Variants in TRAPPC9 observed in about 807,000 individuals in gnomAD.
The protein encoded by TRAPPC9 is trafficking protein particle complex subunit 9.
In TRAPPC9, 83 loss-of-function variants were observed where a neutral mutation model predicts 124.0. The ratio of observed to expected loss-of-function variants is 0.67; its 90% confidence interval spans 0.56 to 0.80. TRAPPC9 has a LOEUF of 0.80. TRAPPC9 is among the 30% of genes least tolerant of loss of function. TRAPPC9 has a pLI of 0.00. For synonymous variants in TRAPPC9, 638 were observed against 617.5 expected (o/e 1.03, Z -0.49); for missense variants, 1,302 against 1,508.3 (o/e 0.86, Z 2.27).
intron 21 of TRAPPC9, among the ~76,000 whole-genome samples, chr8:139,797,875 GCAC>G (rs977259423): frequency 6.6e-6 from 1 of 152,190 alleles, no homozygotes; most frequent in Non-Finnish European, 1.5e-5. Context: ...CCTTATGCCA[GCAC>G]CACATTGTCT....
chr8:140,080,153 T>C (rs183553176), intron 17 of TRAPPC9, among the ~76,000 whole-genome samples: 14 of 152,294 alleles, frequency 9.2e-5, no homozygotes, highest in East Asian at 3.9e-4. Flanking sequence ...TACAAGGTCA[T>C]AGAAGGCACA....
At chr8:139,840,641 C>T (rs1416364368) in intron 21 of TRAPPC9, among the ~76,000 whole-genome samples, 1 of 152,146 alleles carries the variant, frequency 6.6e-6, no homozygotes, top group Non-Finnish European at 1.5e-5. Context: ...ACTGGACAGT[C>T]GGGCCAGGAG....
At chr8:140,119,159 A>G (rs2060942063) in intron 17 of TRAPPC9, among the ~76,000 whole-genome samples, 1 of 152,224 alleles carries the variant, frequency 6.6e-6, no homozygotes. Flanking sequence ...CAGCAGGAGA[A>G]GAGGACAAAA....
chr8:139,928,643 G>A (rs1267971941), intron 19 of TRAPPC9, among the ~76,000 whole-genome samples: 2 of 151,728 alleles, frequency 1.3e-5, no homozygotes, highest in Non-Finnish European at 2.9e-5. Flanking sequence ...TACTGGGTGA[G>A]TGCGTGGCTG....
intron 17 of TRAPPC9, among the ~76,000 whole-genome samples, chr8:140,187,246 G>C (rs750610803): frequency 1.3e-5 from 2 of 152,150 alleles, no homozygotes; most frequent in Non-Finnish European, 2.9e-5. Context: ...ATATACACAG[G>C]TTCTGCAAGG....
intron 19 of TRAPPC9, among the ~76,000 whole-genome samples, chr8:139,955,317 C>G (rs1834900707): frequency 6.6e-6 from 1 of 152,062 alleles, no homozygotes; most frequent in South Asian, 2.1e-4. Flanking sequence ...AGTTCAGGAG[C>G]CTGATCATCT....
At chr8:140,347,150 C>T (rs1012762344) in intron 9 of TRAPPC9, among the ~76,000 whole-genome samples, 1 of 152,202 alleles carries the variant, frequency 6.6e-6, no homozygotes, top group African/African-American at 2.4e-5. Flanking sequence ...ACCATTAGAG[C>T]GGGAGGCTGG....
chr8:140,336,906 A>G (rs1293881939), intron 9 of TRAPPC9, among the ~76,000 whole-genome samples: 2 of 88,738 alleles, frequency 2.3e-5, no homozygotes, highest in Non-Finnish European at 4.4e-5. Context: ...TTAACAGGAT[A>G]TGGGGTAAGA....
At chr8:139,903,090 G>A (rs866264934) in intron 20 of TRAPPC9, among the ~76,000 whole-genome samples, 2 of 152,180 alleles carry the variant, frequency 1.3e-5, no homozygotes, top group South Asian at 2.1e-4. Flanking sequence ...TGGGCTCCCT[G>A]TGCCCGGGAA....
At chr8:139,883,877 T>C (rs1443815192) in intron 21 of TRAPPC9, among the ~76,000 whole-genome samples, 1 of 152,178 alleles carries the variant, frequency 6.6e-6, no homozygotes, top group Non-Finnish European at 1.5e-5. Flanking sequence ...TTAGTCTCCC[T>C]GTTTGTAAAT....
In TRAPPC9 at chr8:140,071,008, C is replaced by T. The variant is rs150851841; in HGVS notation, c.2557-46929G>A. On this transcript the variant is annotated intron_variant, in intron 17 of 22. Coordinates refer to ENST00000438773, the MANE Select transcript of TRAPPC9 (RefSeq NM_001160372.4). ...AAGCAACGGGAGCAGGACCACCAAG[C>T]GTTAGTGCGTGCGATCGTTCTAGCA... 1.5e-3 allele frequency among the ~76,000 whole-genome samples: 231 copies of T among 152,340 alleles called. 1 individual carries two copies. The highest frequency in any genetic ancestry group is 5.3e-3 in the African/African-American group (221 of 41,570).
At position 140,284,030 on chromosome 8, in the gene TRAPPC9, G is replaced by A. The variant is rs758604818; in HGVS notation, c.1982-9C>T. 2 of 1,613,846 alleles carry A rather than the reference G, an allele frequency of 1.2e-6. No homozygotes were observed. Among genetic ancestry groups the A allele is most frequent in the Non-Finnish European group, 1.7e-6 (2 of 1,179,894 alleles). ...GACCGTGGTATGGTAACCTGGAATA[G>A]AAAAGGAACTTCTTCACTCCACTGG... On this transcript the variant is annotated splice_polypyrimidine_tract_variant and intron_variant, in intron 13 of 22. Transcript: ENST00000438773.
At position 139,805,543 on chromosome 8, in the gene TRAPPC9, A is replaced by G. The variant is rs115565915; in HGVS notation, c.3056-73341T>C. 9.9e-3 allele frequency among the ~76,000 whole-genome samples: 1,511 copies of G among 152,298 alleles called. 29 individuals carry two copies. Among genetic ancestry groups the G allele is most frequent in the African/African-American group, 0.034 (1,394 of 41,558 alleles). ...ATTGAGTATCCAGTGTGGGCTTGGC[A>G]CTGTGCTTGGTGCGTTCCTCTGGGA... On this transcript the variant is annotated intron_variant, in intron 21 of 22. Transcript: ENST00000438773.
chr8:139,992,502 G>A (rs145868874), intron 18 of TRAPPC9, among the ~76,000 whole-genome samples: 6 of 151,826 alleles, frequency 4.0e-5, no homozygotes, highest in African/African-American at 7.2e-5. Context: ...CTCAACCCAC[G>A]TTATGTTCAA....
intron 17 of TRAPPC9, among the ~76,000 whole-genome samples, chr8:140,161,038 T>C (rs1269213860): frequency 6.6e-6 from 1 of 152,194 alleles, no homozygotes; most frequent in Non-Finnish European, 1.5e-5. Context: ...AGTTGAGGCT[T>C]GGAGGAGTCA....
intron 8 of TRAPPC9, 116 bp from the exon 9 acceptor site, chr8:140,360,309 C>T (rs1025920830): frequency 1.9e-5 from 25 of 1,294,534 alleles, no homozygotes; most frequent in Non-Finnish European, 2.5e-5. Context: ...CACCAAACTC[C>T]AAGAGCAACA....
At chr8:139,946,169 T>C (rs975579669) in intron 19 of TRAPPC9, among the ~76,000 whole-genome samples, 2 of 152,132 alleles carry the variant, frequency 1.3e-5, no homozygotes, top group Non-Finnish European at 2.9e-5. Flanking sequence ...TTAAGGAAGA[T>C]CTCAAAGAAA....
intron 17 of TRAPPC9, among the ~76,000 whole-genome samples, chr8:140,032,796 T>C (rs1353246326): frequency 1.3e-5 from 2 of 152,244 alleles, no homozygotes; most frequent in Admixed American, 6.5e-5. Context: ...GTCATTTTAA[T>C]GGATACTACC....
chr8:139,891,270 A>C (rs1830327508), intron 20 of TRAPPC9, among the ~76,000 whole-genome samples: 1 of 152,260 alleles, frequency 6.6e-6, no homozygotes, highest in Non-Finnish European at 1.5e-5. Flanking sequence ...TGTGAGAGTA[A>C]GGGAATCTCA....
Sources: gnomAD v4.1 joint callset for allele counts (sites outside exome capture counted in the v4.1 genomes callset) on GRCh38, gnomAD v4.1.1 for gene constraint, MANE v1.5 for transcripts, NCBI Gene and HGNC (gene_info 2026-07-23, HGNC 2026-07-21) for gene names.